PHF21A: variants seen among roughly 807,000 people sequenced by gnomAD.
The protein encoded by PHF21A is BHC80a.
A neutral mutation model predicts 82.5 loss-of-function variants in PHF21A; 11 were observed. The observed-to-expected ratio is 0.13, with a 90% confidence interval of 0.08 to 0.22. The LOEUF (loss-of-function observed/expected upper bound fraction) is 0.22, where lower values mean the gene tolerates loss of function less well. PHF21A is among the 10% of genes least tolerant of loss of function. PHF21A has a pLI of 1.00. For missense variants in PHF21A, 579 were observed against 837.8 expected, an observed-to-expected ratio of 0.69 and a Z score of 3.81; for synonymous variants, 297 against 302.8, an observed-to-expected ratio of 0.98 and a Z score of 0.20.
At chr11:46,060,291 C>T (rs1051269993) in intron 6 of PHF21A, among the ~76,000 whole-genome samples, 3 of 152,112 alleles carry the variant, frequency 2.0e-5, no homozygotes, top group Non-Finnish European at 4.4e-5. Context: ...AGCCACTACA[C>T]CCCAACCATG....
chr11:46,085,351 A>T (rs900803852), intron 3 of PHF21A, among the ~76,000 whole-genome samples: 1 of 152,128 alleles, frequency 6.6e-6, no homozygotes, highest in Non-Finnish European at 1.5e-5. Context: ...GCATGTGGAG[A>T]TAATGTCAAA....
At chr11:46,014,253 G>C (rs192371857) in intron 6 of PHF21A, among the ~76,000 whole-genome samples, 109 of 152,274 alleles carry the variant, frequency 7.2e-4, no homozygotes, top group Non-Finnish European at 8.5e-4. Flanking sequence ...TTATAAATGA[G>C]AACATATAAT....
chr11:45,998,544 C>T (rs546473270), intron 6 of PHF21A, among the ~76,000 whole-genome samples: 24 of 151,164 alleles, frequency 1.6e-4, no homozygotes, highest in Non-Finnish European at 2.8e-4. Context: ...CAGAGTTTTG[C>T]TCTTGTTGCC....
At chr11:46,108,395 T>C (rs2097174782) in intron 1 of PHF21A, among the ~76,000 whole-genome samples, 1 of 151,986 alleles carries the variant, frequency 6.6e-6, no homozygotes, top group Admixed American at 6.6e-5. Flanking sequence ...GGCATTAGGT[T>C]TGGAATCTTA....
rs1323336674 is a variant in PHF21A, at chr11:45,971,275, G to C, written c.453C>G (p.Gly151=). The change falls in exon 8 of 19, where the codon GGC becomes GGG. Residue 151 remains glycine, a synonymous_variant. Coordinates refer to ENST00000676320, the MANE Select transcript of PHF21A (RefSeq NM_001352027.3). ...ATATMPASVV[G]QRPTIAMVTA... Reference sequence around the variant, plus strand: ...TCACCATAGCAATGGTAGGTCTCTGGCCCACCACAGAGGCAGGCATGGTCG... The same window carrying C: ...TCACCATAGCAATGGTAGGTCTCTGCCCCACCACAGAGGCAGGCATGGTCG... 1 of 1,614,106 alleles carries C rather than the reference G, an allele frequency of 6.2e-7. No homozygotes were observed. The highest frequency in any genetic ancestry group is 1.7e-5 in the Admixed American group (1 of 60,014).
Position 45,991,557 on chromosome 11 carries a change from T to TAC in PHF21A, c.154-11593_154-11592dup, listed in dbSNP as rs200504325. 1.9e-3 allele frequency among the ~76,000 whole-genome samples: 295 copies of TAC among 151,802 alleles called. 2 individuals carry two copies. The highest frequency in any genetic ancestry group is 6.8e-3 in the East Asian group (35 of 5,174). ...CTGTAATACAGCTGCAGTAAGCTTA[T>TAC]ACACACACACACACATGCACGCGTG... On this transcript the variant is annotated intron_variant, in intron 6 of 18. Coordinates refer to ENST00000676320, the MANE Select transcript of PHF21A (RefSeq NM_001352027.3).
intron 6 of PHF21A, among the ~76,000 whole-genome samples, chr11:46,059,105 G>C (rs190435917): frequency 6.6e-6 from 1 of 152,250 alleles, no homozygotes; most frequent in Admixed American, 6.5e-5. Context: ...TTATGAAGAA[G>C]CATCTATTTA....
intron 1 of PHF21A, among the ~76,000 whole-genome samples, chr11:46,106,901 T>C (rs2097158465): frequency 6.6e-6 from 1 of 152,206 alleles, no homozygotes; most frequent in African/African-American, 2.4e-5. Context: ...GCCTATACTT[T>C]GAATCCTTCA....
At chr11:45,990,985 T>C (rs2094680493) in intron 6 of PHF21A, among the ~76,000 whole-genome samples, 1 of 152,206 alleles carries the variant, frequency 6.6e-6, no homozygotes, top group Non-Finnish European at 1.5e-5. Flanking sequence ...ACCATTATAC[T>C]ATCACACAGA....
chr11:46,038,920 G>A (rs2096069715), intron 6 of PHF21A, among the ~76,000 whole-genome samples: 1 of 151,998 alleles, frequency 6.6e-6, no homozygotes, highest in Non-Finnish European at 1.5e-5. Flanking sequence ...GAAACTTGGG[G>A]GACACATTCA....
At chr11:46,071,526 T>C (rs2096656319) in intron 6 of PHF21A, among the ~76,000 whole-genome samples, 1 of 152,238 alleles carries the variant, frequency 6.6e-6, no homozygotes, top group Admixed American at 6.5e-5. Flanking sequence ...CTTAAAGAGA[T>C]AATCAAATCT....
At chr11:46,030,016 T>C (rs961089309) in intron 6 of PHF21A, among the ~76,000 whole-genome samples, 1 of 152,252 alleles carries the variant, frequency 6.6e-6, no homozygotes, top group Non-Finnish European at 1.5e-5. Flanking sequence ...TTTTCAAAAC[T>C]AAGTGTATTA....
intron 6 of PHF21A, among the ~76,000 whole-genome samples, chr11:46,063,761 C>A (rs189672508): frequency 6.6e-6 from 1 of 152,220 alleles, no homozygotes; most frequent in African/African-American, 2.4e-5. Flanking sequence ...ATAATTTTAT[C>A]AGCTATTAGC....
intron 6 of PHF21A, among the ~76,000 whole-genome samples, chr11:46,041,279 A>C (rs1413935044): frequency 2.0e-5 from 3 of 152,188 alleles, no homozygotes; most frequent in Non-Finnish European, 4.4e-5. Flanking sequence ...AAAGATAAAA[A>C]GTAAGGAGGG....
intron 6 of PHF21A, among the ~76,000 whole-genome samples, chr11:46,012,230 C>T (rs2095427729): frequency 6.6e-6 from 1 of 152,204 alleles, no homozygotes; most frequent in African/African-American, 2.4e-5. Flanking sequence ...AAATCTTTGT[C>T]TTTCCTGACC....
At chr11:45,991,956 T>G (rs2136682446) in intron 6 of PHF21A, among the ~76,000 whole-genome samples, 1 of 152,098 alleles carries the variant, frequency 6.6e-6, no homozygotes, top group Non-Finnish European at 1.5e-5. Context: ...TGATTACATT[T>G]TGCAAGACAT....
chr11:46,038,638 A>AT (rs2096064846), intron 6 of PHF21A, among the ~76,000 whole-genome samples: 1 of 152,180 alleles, frequency 6.6e-6, no homozygotes, highest in African/African-American at 2.4e-5. Context: ...TGGAGGGGCC[A>AT]TATCTGGTGA....
intron 14 of PHF21A, among the ~76,000 whole-genome samples, chr11:45,947,860 T>C (rs2091520551): frequency 6.6e-6 from 1 of 152,188 alleles, no homozygotes; most frequent in African/African-American, 2.4e-5. Flanking sequence ...TGACTTAGGG[T>C]TTCCCATCTA....
intron 1 of PHF21A, chr11:46,117,145 T>C (rs1851562879): frequency 6.6e-6 from 1 of 152,238 alleles, no homozygotes; most frequent in South Asian, 2.1e-4. Flanking sequence ...GAAGAACTTT[T>C]ATATGTATTA....
Sources: allele counts gnomAD v4.1 joint callset (sites outside exome capture counted in the v4.1 genomes callset), GRCh38; gene constraint gnomAD v4.1.1; transcripts MANE v1.5; gene names NCBI Gene and HGNC (gene_info 2026-07-23, HGNC 2026-07-21).